PPA1: variants seen among roughly 807,000 people sequenced by gnomAD.
The protein encoded by PPA1 is inorganic pyrophosphatase 1, also known as inorganic pyrophosphatase.
PPA1 carries 23 observed loss-of-function variants against 41.8 expected under a neutral mutation model. That is an observed-to-expected ratio of 0.55 (90% CI 0.40 to 0.78). The LOEUF is 0.78. PPA1 is among the 30% of genes least tolerant of loss of function. PPA1 has a pLI of 0.00. For synonymous variants in PPA1, 101 were observed against 116.8 expected (o/e 0.86, Z 0.87); for missense variants, 320 against 361.6 (o/e 0.89, Z 0.93).
rs1333383827 is a variant in PPA1 at position 70,214,561 on chromosome 10, T to C, written c.323A>G (p.Asp108Gly). The part of the protein sequence containing the change: ...PQTWEDPGHN[D>G]KHTGCCGDND... ...GTCACCACAACAGCCAGTATGTTTA[T>C]CATTGTGCCCTGGGTCTTCCCAAGT... is the stretch of plus-strand genomic sequence containing the variant. Residue 108 changes from aspartate (D) to glycine (G), a missense_variant, in exon 5 of 11, where the codon GAT becomes GGT. Asp to Gly is a moderately conservative substitution (Grantham distance 94). Coordinates refer to ENST00000373232, the MANE Select transcript of PPA1 (RefSeq NM_021129.4). The C allele has an allele frequency of 1.2e-6, 2 of 1,613,782 alleles. No individual in the cohort carries two copies. Among genetic ancestry groups the C allele is most frequent in the East Asian group, 2.2e-5 (1 of 44,834 alleles).
rs868152152 is a variant in PPA1, at chr10:70,206,563, G to T, written c.726-230C>A. ...AGTTCGGATTTAAGAAACTGAGATT[G>T]GGCTAGGTGTGGTGGCTCATGCCTG... On this transcript the variant is annotated intron_variant, in intron 8 of 10. Transcript: ENST00000373232. Among the ~76,000 whole-genome samples the T allele has an allele frequency of 2.6e-5, 4 of 151,994 alleles. No individual in the cohort carries two copies. In the South Asian group the frequency reaches 8.3e-4, roughly 32 times the overall value.
chr10:70,233,195 C>A, intron 1 of PPA1, 69 bp downstream of exon 1: 1 of 1,496,178 alleles, frequency 6.7e-7, no homozygotes, highest in Non-Finnish European at 8.9e-7. Flanking sequence ...CCGCACCCTC[C>A]CGGGGAGGCA....
chr10:70,220,980 C>A (rs554775881), intron 2 of PPA1, among the ~76,000 whole-genome samples: 9 of 36,144 alleles, frequency 2.5e-4, no homozygotes, highest in South Asian at 8.1e-4. Flanking sequence ...TATATATATA[C>A]TATATATATA....
At chr10:70,220,981 TATATATATAATTTATATATATAAC>T (rs1564584486) in intron 2 of PPA1, among the ~76,000 whole-genome samples, 24 of 42,792 alleles carry the variant, frequency 5.6e-4, no homozygotes, top group African/African-American at 2.0e-3. Context: ...ATATATATAC[TATATATATAATTTATATATATAAC>T]ATATATATAA....
chr10:70,225,020 C>T (rs1217921552), intron 2 of PPA1, among the ~76,000 whole-genome samples: 1 of 152,150 alleles, frequency 6.6e-6, no homozygotes, highest in African/African-American at 2.4e-5. Context: ...CATGAGCCAC[C>T]GCGCCCAGCA....
intron 6 of PPA1, 82 bp from the exon 7 acceptor site, chr10:70,209,767 A>G (rs759698493): frequency 7.9e-5 from 113 of 1,434,786 alleles, no homozygotes; most frequent in Non-Finnish European, 1.0e-4. Context: ...TTCAAGATGC[A>G]CAAATAATTA....
intron 2 of PPA1, among the ~76,000 whole-genome samples, chr10:70,227,474 AC>A (rs1388658988): frequency 2.0e-5 from 3 of 151,900 alleles, no homozygotes; most frequent in Non-Finnish European, 2.9e-5. Flanking sequence ...ACATAGGGAA[AC>A]CCTGTCTCTA....
At chr10:70,204,565 TTTAG>T (rs147298543) in intron 10 of PPA1, 2,550 of 254,668 alleles carry the variant, frequency 0.01, 61 homozygotes, top group African/African-American at 0.054. Flanking sequence ...GGTACCAAGT[TTTAG>T]TTAGACAAAA....
chr10:70,209,420 A>G (rs1292949285), intron 7 of PPA1, 130 bp from the exon 8 acceptor site: 1 of 1,308,488 alleles, frequency 7.6e-7, no homozygotes, highest in Non-Finnish European at 1.0e-6. Context: ...AGAGAATATT[A>G]AAGTGAATAA....
intron 2 of PPA1, among the ~76,000 whole-genome samples, chr10:70,229,174 A>G (rs999413033): frequency 6.6e-6 from 1 of 152,264 alleles, no homozygotes; most frequent in Admixed American, 6.5e-5. Flanking sequence ...ATGACTGTTT[A>G]AAGTTGTTCT....
chr10:70,221,076 A>ATATATATATTTTTTTT (rs1224550178), intron 2 of PPA1, among the ~76,000 whole-genome samples: 1 of 40,028 alleles, frequency 2.5e-5, no homozygotes, highest in African/African-American at 2.0e-4. Context: ...ATATATATAT[A>ATATATATATTTTTTTT]TTTTTTTTTT....
chr10:70,230,352 A>T lies in PPA1; in HGVS notation c.112T>A (p.Tyr38Asn). The part of the protein sequence containing the change: ...YISPFHDIPI[Y>N]ADKDVFHMVV... ...CAAGGATGCCTTACCTTATCTGCATAAATTGGAATATCATGAAATGGAGAT... is the reference window on the plus strand; with the variant it reads ...CAAGGATGCCTTACCTTATCTGCATTAATTGGAATATCATGAAATGGAGAT... Residue 38 changes from tyrosine (Y) to asparagine (N), a missense_variant, in exon 2 of 11, where the codon TAT becomes AAT. Transcript: ENST00000373232. 2 of 1,613,340 alleles carry T rather than the reference A, an allele frequency of 1.2e-6. No individual in the cohort carries two copies. Among genetic ancestry groups the T allele is most frequent in the Non-Finnish European group, 1.7e-6 (2 of 1,179,590 alleles).
chr10:70,227,170 C>T (rs1004445680), intron 2 of PPA1, among the ~76,000 whole-genome samples: 1 of 152,112 alleles, frequency 6.6e-6, no homozygotes, highest in Non-Finnish European at 1.5e-5. Context: ...ATATTTGATC[C>T]TAAAATTGAC....
In PPA1 at chr10:70,229,268, C is replaced by T. The variant is rs75271139; in HGVS notation, c.123+1073G>A. Among the ~76,000 whole-genome samples the T allele has an allele frequency of 1.6e-3, 247 of 152,212 alleles. 3 individuals carry two copies. In the East Asian group the frequency reaches 0.031, roughly 19 times the overall value. Reference sequence around the variant, plus strand: ...AAACCAAGAGTCACTGGCAGTCCCACGAATCATAACTATTTTGATATATAT... The same window carrying T: ...AAACCAAGAGTCACTGGCAGTCCCATGAATCATAACTATTTTGATATATAT... On this transcript the variant is annotated intron_variant, in intron 2 of 10. Coordinates refer to ENST00000373232, the MANE Select transcript of PPA1 (RefSeq NM_021129.4).
chr10:70,223,159 G>A (rs1328314997), intron 2 of PPA1, among the ~76,000 whole-genome samples: 1 of 152,032 alleles, frequency 6.6e-6, no homozygotes, highest in Non-Finnish European at 1.5e-5. Flanking sequence ...GAGGCCAAGA[G>A]TTCAAGACCA....
chr10:70,225,557 G>A (rs904462651), intron 2 of PPA1, among the ~76,000 whole-genome samples: 8 of 151,460 alleles, frequency 5.3e-5, no homozygotes, highest in African/African-American at 1.7e-4. Context: ...AATAAAATTT[G>A]GAGAAAAAAC....
intron 2 of PPA1, among the ~76,000 whole-genome samples, chr10:70,219,886 G>C (rs1458124124): frequency 1.3e-5 from 2 of 152,080 alleles, no homozygotes; most frequent in Non-Finnish European, 2.9e-5. Flanking sequence ...TCACGGAATA[G>C]AACTTTAACT....
At chr10:70,218,319 C>CA (rs367736753) in intron 3 of PPA1, 71 of 176,802 alleles carry the variant, frequency 4.0e-4, no homozygotes, top group African/African-American at 1.5e-3. Context: ...ATTTATTACA[C>CA]AAAAAAAGTG....
intron 4 of PPA1, among the ~76,000 whole-genome samples, chr10:70,215,224 GAAAAC>G (rs1840065950): frequency 6.6e-6 from 1 of 151,888 alleles, no homozygotes; most frequent in Admixed American, 6.6e-5. Context: ...AACAAAAAAA[GAAAAC>G]AAAACAAACA....
Sources: allele counts gnomAD v4.1 joint callset (sites outside exome capture counted in the v4.1 genomes callset), GRCh38; gene constraint gnomAD v4.1.1; transcripts MANE v1.5; gene names NCBI Gene and HGNC (gene_info 2026-07-23, HGNC 2026-07-21).